The following TUBGCP3 variants were observed in gnomAD, a reference collection of about 807,000 sequenced individuals.
The protein encoded by TUBGCP3 is gamma-tubulin complex component 3.
A neutral mutation model predicts 123.1 loss-of-function variants in TUBGCP3; 50 were observed. That is an observed-to-expected ratio of 0.41 (90% confidence interval 0.32 to 0.51). TUBGCP3 has a LOEUF of 0.51. TUBGCP3 is among the 20% of genes least tolerant of loss of function. The pLI is 0.36. For missense variants in TUBGCP3, 882 were observed against 1,127.0 expected (o/e 0.78, Z 3.11); for synonymous variants, 405 against 413.9 (o/e 0.98, Z 0.26).
chr13:112,487,037 C>T (rs1879715989), intron 21 of TUBGCP3, among the ~76,000 whole-genome samples: 1 of 148,860 alleles, frequency 6.7e-6, no homozygotes, highest in Non-Finnish European at 1.5e-5. Context: ...CACCTCTGAG[C>T]AGGCAAACAC....
intron 1 of TUBGCP3, among the ~76,000 whole-genome samples, chr13:112,586,785 A>T (rs1036386644): frequency 2.6e-5 from 4 of 152,182 alleles, no homozygotes; most frequent in Non-Finnish European, 5.9e-5. Context: ...AGCACTTAGC[A>T]CAGTTCCCGG....
rs1352258989 is a variant in TUBGCP3 at position 112,524,784 on chromosome 13, T to C, written c.1555+2158A>G. The stretch of plus-strand genomic sequence containing the variant: ...TGAGTTACCATGGTGAGATAAGTGC[T>C]TCCAAAATCTCTATATTCGGCCCTG... On this transcript the variant is annotated intron_variant, in intron 13 of 21. Coordinates refer to ENST00000261965, the MANE Select transcript of TUBGCP3 (RefSeq NM_006322.6). This position sits in a 1 kb window ranked among gnomAD's most constrained non-coding sequence, Gnocchi z 4.4. 6.6e-6 allele frequency among the ~76,000 whole-genome samples: 1 copy of C among 152,204 alleles called. No individual in the cohort carries two copies. Among genetic ancestry groups the C allele is most frequent in the East Asian group, 1.9e-4 (1 of 5,200 alleles).
intron 18 of TUBGCP3, 96 bp from the exon 19 acceptor site, chr13:112,504,259 G>T (rs540317888): frequency 6.7e-6 from 10 of 1,482,246 alleles, no homozygotes; most frequent in Admixed American, 1.8e-5. Flanking sequence ...AGGCCGAGGC[G>T]GGCAGATCAC....
At chr13:112,552,636 C>T (rs554212317) in intron 8 of TUBGCP3, among the ~76,000 whole-genome samples, 4 of 152,224 alleles carry the variant, frequency 2.6e-5, no homozygotes, top group Non-Finnish European at 1.5e-5. Context: ...CAGAAGATAA[C>T]CTGGGCAAGA....
At chr13:112,507,862 A>G (rs2139016156) in intron 17 of TUBGCP3, among the ~76,000 whole-genome samples, 1 of 152,200 alleles carries the variant, frequency 6.6e-6, no homozygotes, top group East Asian at 1.9e-4. Context: ...TTAAATCACT[A>G]ATTCTATTTC....
intron 11 of TUBGCP3, among the ~76,000 whole-genome samples, chr13:112,530,722 CA>C (rs912769177): frequency 1.3e-4 from 19 of 150,976 alleles, no homozygotes; most frequent in South Asian, 2.1e-4. Context: ...GCCTTGGTGT[CA>C]AAAAAAAATT....
chr13:112,560,226 C>A (rs539612184), intron 3 of TUBGCP3, among the ~76,000 whole-genome samples: 5 of 150,894 alleles, frequency 3.3e-5, no homozygotes, highest in African/African-American at 7.3e-5. Context: ...GTCAGGAGAT[C>A]GAGACCATCC....
At chr13:112,499,231 A>T in intron 19 of TUBGCP3, 46 bp from the exon 20 acceptor site, 1 of 1,548,090 alleles carries the variant, frequency 6.5e-7, no homozygotes, top group Non-Finnish European at 8.7e-7. Flanking sequence ...CAACCAGCTA[A>T]GTTTCTTAAA....
chr13:112,541,268 G>A (rs1007902261), intron 11 of TUBGCP3, among the ~76,000 whole-genome samples: 7 of 152,176 alleles, frequency 4.6e-5, no homozygotes, highest in African/African-American at 1.4e-4. Context: ...ATGGCCAGGC[G>A]TGGTGGCTCT....
Position 112,485,813 on chromosome 13 carries a change from A to T in TUBGCP3, c.*180T>A. 1.5e-6 allele frequency: 1 copy of T among 680,642 alleles called. No homozygotes were observed. Among genetic ancestry groups the T allele is most frequent in the South Asian group, 2.0e-5 (1 of 49,620 alleles). The allele number at this position is 680,642 out of a possible 1,614,324, so 42.2% of individuals were successfully genotyped here. A position where few individuals can be genotyped will look rare whatever the true frequency, so the allele number is the denominator to read the frequency against. On this transcript the variant is annotated 3_prime_UTR_variant, in exon 22 of 22. Coordinates refer to ENST00000261965, the MANE Select transcript of TUBGCP3 (RefSeq NM_006322.6). Reference sequence around the variant, plus strand: ...ACTTAGGGATTTACAAATGCATTCGACTCCGACATGTGAAACACGACGTGG... The same window carrying T: ...ACTTAGGGATTTACAAATGCATTCGTCTCCGACATGTGAAACACGACGTGG...
chr13:112,525,952 G>A (rs986426364), intron 13 of TUBGCP3, among the ~76,000 whole-genome samples: 1 of 152,144 alleles, frequency 6.6e-6, no homozygotes, highest in Non-Finnish European at 1.5e-5. Flanking sequence ...ATAATACTAT[G>A]TATTAAGGTG....
intron 1 of TUBGCP3, among the ~76,000 whole-genome samples, chr13:112,576,366 A>G (rs1881807265): frequency 1.3e-5 from 2 of 152,222 alleles, no homozygotes; most frequent in South Asian, 2.1e-4. Flanking sequence ...CTCCAAGAGC[A>G]AGCACTTCAA....
At chr13:112,506,219 A>G (rs529916432) in intron 17 of TUBGCP3, among the ~76,000 whole-genome samples, 1 of 152,290 alleles carries the variant, frequency 6.6e-6, no homozygotes, top group East Asian at 1.9e-4. Flanking sequence ...CCCTCAGGCA[A>G]TAAACAGGCA....
chr13:112,510,673 A>G (rs931947331), intron 17 of TUBGCP3, among the ~76,000 whole-genome samples: 3 of 152,222 alleles, frequency 2.0e-5, no homozygotes, highest in South Asian at 4.1e-4. Flanking sequence ...ACTAGGAAGT[A>G]AGTGCCGTCG....
At position 112,545,817 on chromosome 13, in the gene TUBGCP3, G is replaced by GT; in HGVS notation, c.1216dup (p.Thr406AsnfsTer31). 1 of 1,614,158 alleles carries GT rather than the reference G, an allele frequency of 6.2e-7. No individual in the cohort carries two copies. The highest frequency in any genetic ancestry group is 8.5e-7 in the Non-Finnish European group (1 of 1,180,022). Reference sequence around the variant, plus strand: ...CAGAGACCGCATGTACGGGTCTCCTGTTTTTGTGTAGGCGTGGACAGCTGA... The same window carrying GT: ...CAGAGACCGCATGTACGGGTCTCCTGTTTTTTGTGTAGGCGTGGACAGCTGA... On this transcript the variant is annotated frameshift_variant, in exon 11 of 22. Transcript: ENST00000261965. LOFTEE classifies it high-confidence loss of function. This position sits in a 1 kb window ranked among gnomAD's most constrained non-coding sequence, Gnocchi z 4.1.
intron 8 of TUBGCP3, among the ~76,000 whole-genome samples, chr13:112,553,361 A>T (rs1266430232): frequency 2.6e-5 from 4 of 152,250 alleles, no homozygotes; most frequent in Non-Finnish European, 4.4e-5. Flanking sequence ...TATAGTACAC[A>T]GTTGTTCTGT....
chr13:112,571,137 C>T, intron 1 of TUBGCP3, among the ~76,000 whole-genome samples: 1 of 152,210 alleles, frequency 6.6e-6, no homozygotes, highest in East Asian at 1.9e-4. Context: ...ACAATTTGAC[C>T]TCCCATGAAT....
In TUBGCP3 at chr13:112,524,572, C is replaced by T. The variant is rs1566550800; in HGVS notation, c.1556-2063G>A. Among the ~76,000 whole-genome samples the T allele has an allele frequency of 6.6e-6, 1 of 152,214 alleles. No individual in the cohort carries two copies. The highest frequency in any genetic ancestry group is 1.5e-5 in the Non-Finnish European group (1 of 68,026). On this transcript the variant is annotated intron_variant, in intron 13 of 21. Coordinates refer to ENST00000261965, the MANE Select transcript of TUBGCP3 (RefSeq NM_006322.6). The surrounding 1 kb of genome is among the most constrained non-coding windows in gnomAD (Gnocchi z 4.4). ...CAGTGTAGAAGCATTTCCCCAAAAT[C>T]TATATTGGATCACATCTATCTCTAT...
chr13:112,592,348 G>A (rs1461567464), upstream of TUBGCP3, among the ~76,000 whole-genome samples: 2 of 152,174 alleles, frequency 1.3e-5, no homozygotes, highest in Non-Finnish European at 2.9e-5. The surrounding 1 kb of genome is among the most constrained non-coding windows in gnomAD (Gnocchi z 4.1). Flanking sequence ...GCCAGGTGCC[G>A]GGTGGTGGGT....
Sources: allele counts gnomAD v4.1 joint callset (sites outside exome capture counted in the v4.1 genomes callset), GRCh38; gene constraint gnomAD v4.1.1; non-coding constraint Gnocchi (gnomAD v3.1); transcripts MANE v1.5; gene names NCBI Gene and HGNC (gene_info 2026-07-23, HGNC 2026-07-21).